The following SGCD variants were observed in gnomAD, a reference collection of about 807,000 sequenced individuals.
SGCD encodes sarcoglycan delta, also known as delta-sarcoglycan.
Under a neutral mutation model 36.6 loss-of-function variants are expected in SGCD, and 18 were observed. The ratio of observed to expected loss-of-function variants is 0.49; its 90% CI spans 0.34 to 0.73. The LOEUF (loss-of-function observed/expected upper bound fraction) is 0.73. Ranked by LOEUF, SGCD falls within the 30% of genes least tolerant of loss-of-function variation. The probability of loss-of-function intolerance (pLI) is 0.01; values close to 1 mark genes in which losing one functional copy is unlikely to be tolerated. For synonymous variants in SGCD, 133 were observed against 130.6 expected, an observed-to-expected ratio of 1.02 and a Z score of -0.12; for missense variants, 387 against 346.7, an observed-to-expected ratio of 1.12 and a Z score of -0.92.
intron 7 of SGCD, among the ~76,000 whole-genome samples, chr5:156,683,551 T>A (rs1753797012): frequency 6.6e-6 from 1 of 152,246 alleles, no homozygotes; most frequent in Non-Finnish European, 1.5e-5. Context: ...CTTCTATTTC[T>A]CTGGCCTGAC....
intron 3 of SGCD, among the ~76,000 whole-genome samples, chr5:156,149,200 A>G (rs1762776656): frequency 6.6e-6 from 1 of 152,180 alleles, no homozygotes; most frequent in South Asian, 2.1e-4. Flanking sequence ...AATGTGTAAA[A>G]TCACATGCTG....
At chr5:156,605,293 A>G (rs1032394460) in intron 6 of SGCD, among the ~76,000 whole-genome samples, 9 of 152,072 alleles carry the variant, frequency 5.9e-5, no homozygotes, top group African/African-American at 2.2e-4. Flanking sequence ...GAGTGAGAAC[A>G]TGCAGTGTTT....
chr5:156,618,076 T>C (rs17053667), intron 6 of SGCD, among the ~76,000 whole-genome samples: 11,087 of 152,228 alleles, frequency 0.073, 439 homozygotes, highest in South Asian at 0.11. Flanking sequence ...CTTTCTGAAG[T>C]ATTTCATCAG....
intron 1 of SGCD, among the ~76,000 whole-genome samples, chr5:155,971,873 G>A (rs910636856): frequency 3.3e-5 from 5 of 152,218 alleles, no homozygotes; most frequent in Admixed American, 1.3e-4. Context: ...GTAAACTGAT[G>A]CTTAGAAAAA....
intron 1 of SGCD, among the ~76,000 whole-genome samples, chr5:155,879,859 A>G (rs527491380): frequency 1.3e-5 from 2 of 152,162 alleles, no homozygotes; most frequent in Non-Finnish European, 2.9e-5. Context: ...GCTTGCCTCC[A>G]TTGTTGTAGG....
intron 1 of SGCD, among the ~76,000 whole-genome samples, chr5:155,940,537 A>G (rs1054921672): frequency 6.6e-6 from 1 of 152,194 alleles, no homozygotes; most frequent in African/African-American, 2.4e-5. Context: ...CATAAAACCT[A>G]ATATAGTAAG....
the SGCD span, among the ~76,000 whole-genome samples, chr5:155,834,816 G>C: frequency 1.3e-5 from 2 of 150,894 alleles, no homozygotes; most frequent in African/African-American, 4.9e-5. Flanking sequence ...AGTTGTCTGT[G>C]AAACCATTGA....
chr5:156,478,803 A>T (rs1419882258), intron 3 of SGCD, among the ~76,000 whole-genome samples: 1 of 151,876 alleles, frequency 6.6e-6, no homozygotes, highest in East Asian at 2.0e-4. Flanking sequence ...TTGGTCTCGA[A>T]CTCCCAACCT....
At chr5:156,628,105 T>C (rs977338595) in intron 6 of SGCD, among the ~76,000 whole-genome samples, 1 of 152,102 alleles carries the variant, frequency 6.6e-6, no homozygotes, top group African/African-American at 2.4e-5. Flanking sequence ...GCACATCCCA[T>C]GGCAAAAGCA....
chr5:156,460,169 G>A (rs1285376299), intron 3 of SGCD, among the ~76,000 whole-genome samples: 2 of 152,058 alleles, frequency 1.3e-5, no homozygotes, highest in African/African-American at 4.8e-5. Flanking sequence ...TTTCAAGGAG[G>A]GGGACAACTA....
the SGCD span, among the ~76,000 whole-genome samples, chr5:155,819,599 C>T: frequency 6.6e-6 from 1 of 152,134 alleles, no homozygotes; most frequent in Non-Finnish European, 1.5e-5. Flanking sequence ...GATGAGAATG[C>T]TGAGGTATAG....
At chr5:156,682,972 A>G (rs910364615) in intron 7 of SGCD, among the ~76,000 whole-genome samples, 2 of 152,326 alleles carry the variant, frequency 1.3e-5, no homozygotes, top group East Asian at 3.9e-4. Flanking sequence ...TTAACTTACA[A>G]TCCCCAAGAA....
chr5:156,587,836 C>T (rs988129048), intron 4 of SGCD, among the ~76,000 whole-genome samples: 6 of 151,976 alleles, frequency 3.9e-5, no homozygotes, highest in African/African-American at 1.2e-4. Flanking sequence ...GTCCCCCAAA[C>T]ATCTCATAGC....
chr5:155,881,287 C>T (rs116128580), intron 1 of SGCD, among the ~76,000 whole-genome samples: 1,848 of 71,810 alleles, frequency 0.026, 46 homozygotes, highest in African/African-American at 0.11. Context: ...AGATCACCAC[C>T]TCACCACAAA....
chr5:156,709,410 A>G (rs1420846050), intron 7 of SGCD, among the ~76,000 whole-genome samples: 1 of 152,184 alleles, frequency 6.6e-6, no homozygotes, highest in Non-Finnish European at 1.5e-5. Context: ...TTGTAATGAG[A>G]GTAACTACAT....
chr5:156,640,049 CTCTGATGCT>C (rs1762972234), intron 6 of SGCD, among the ~76,000 whole-genome samples: 1 of 152,260 alleles, frequency 6.6e-6, no homozygotes, highest in African/African-American at 2.4e-5. Flanking sequence ...TTCGCAGGTC[CTCTGATGCT>C]AGGCTAGCCC....
At chr5:156,229,300 A>ATACATACATATATATATATATATATATAT (rs1477607808) in intron 3 of SGCD, among the ~76,000 whole-genome samples, 1 of 126,176 alleles carries the variant, frequency 7.9e-6, no homozygotes, top group Non-Finnish European at 1.7e-5. Context: ...ATATATATAT[A>ATACATACATATATATATATATATATATAT]AAATTAGTTC....
intron 3 of SGCD, among the ~76,000 whole-genome samples, chr5:156,140,750 T>TA (rs1407751803): frequency 6.6e-6 from 1 of 152,058 alleles, no homozygotes; most frequent in Non-Finnish European, 1.5e-5. Context: ...ATATAAAGAA[T>TA]AAAAAAGCAT....
At chr5:156,622,825 T>C (rs891093668) in intron 6 of SGCD, among the ~76,000 whole-genome samples, 2 of 152,096 alleles carry the variant, frequency 1.3e-5, no homozygotes, top group African/African-American at 2.4e-5. Flanking sequence ...CGAAACCTAT[T>C]ACGTGAGTGT....
Sources: allele counts gnomAD v4.1 joint callset (sites outside exome capture counted in the v4.1 genomes callset), GRCh38; gene constraint gnomAD v4.1.1; transcripts MANE v1.5; gene names NCBI Gene and HGNC (gene_info 2026-07-23, HGNC 2026-07-21).